Variants in PCDHA5 observed in about 807,000 individuals in gnomAD.
PCDHA5 encodes protocadherin alpha-5.
In PCDHA5, 43 loss-of-function variants were observed where a neutral mutation model predicts 61.6. That is an observed-to-expected ratio of 0.70 (90% CI 0.55 to 0.90). The LOEUF (loss-of-function observed/expected upper bound fraction) is 0.90, where lower values mean the gene tolerates loss of function less well. PCDHA5 is among the 40% of genes least tolerant of loss of function. The pLI is 0.00. For missense variants in PCDHA5, 1,298 were observed against 1,222.7 expected (o/e 1.06, Z -0.92); for synonymous variants, 627 against 543.9 (o/e 1.15, Z -2.13).
At chr5:140,949,117 T>C (rs1295254726) in intron 1 of PCDHA5, among the ~76,000 whole-genome samples, 2 of 151,762 alleles carry the variant, frequency 1.3e-5, no homozygotes, top group Admixed American at 6.6e-5. Context: ...CAAATATTTT[T>C]GGTTTTCCTA....
rs143650923 is a variant in PCDHA5, at chr5:140,822,633, C to G, written c.858C>G (p.Asp286Glu). 3.1e-6 allele frequency: 5 copies of G among 1,610,466 alleles called. No individual in the cohort carries two copies. Among genetic ancestry groups the G allele is most frequent in the Non-Finnish European group, 4.2e-6 (5 of 1,177,700 alleles). ...ATTTCTTTAGTAATCTTGTTCTTGA[C>G]GATGTAAAGTCCAAATTTATAATTA... ...IVYFFSNLVL[D>E]DVKSKFIINS... Residue 286 changes from aspartate to glutamate, a missense_variant, in exon 1 of 4, where the codon GAC (aspartate) becomes GAG (glutamate). By Grantham distance (45) the Asp-to-Glu change is conservative. Transcript: ENST00000529859.
chr5:140,929,522 T>G, intron 1 of PCDHA5: 1 of 727,900 alleles, frequency 1.4e-6, no homozygotes. Context: ...GACTTATAGT[T>G]TATTTTTGAG....
At chr5:140,869,418 C>G in intron 1 of PCDHA5, 1 of 1,614,174 alleles carries the variant, frequency 6.2e-7, no homozygotes, top group Non-Finnish European at 8.5e-7. Flanking sequence ...GCAGCATCCA[C>G]CTGGAGGTGA....
rs2150153132 is a variant in PCDHA5, at chr5:140,828,254, G to A, written c.2352+4127G>A. ...CCGGATCGCGCAGGACCTGGGGCTG[G>A]AGCTGGCGGAGCTGGTGCCGCGCCT... On this transcript the variant is annotated intron_variant, in intron 1 of 3. Transcript: ENST00000529859. 5 of 1,613,996 alleles carry A rather than the reference G, an allele frequency of 3.1e-6. No homozygotes were observed. In the Admixed American group the frequency reaches 8.3e-5, roughly 27 times the overall value.
chr5:140,870,308 A>G, intron 1 of PCDHA5: 1 of 1,614,140 alleles, frequency 6.2e-7, no homozygotes, highest in Non-Finnish European at 8.5e-7. Context: ...ACCTTCAAGA[A>G]TTACTACTCG....
At chr5:140,996,123 G>A (rs1554255007) in intron 3 of PCDHA5, among the ~76,000 whole-genome samples, 2 of 152,238 alleles carry the variant, frequency 1.3e-5, no homozygotes, top group African/African-American at 2.4e-5. Flanking sequence ...GCAGGGTGGT[G>A]TAGAGGGTTC....
chr5:140,950,473 G>T (rs2094486830), intron 1 of PCDHA5, among the ~76,000 whole-genome samples: 1 of 152,010 alleles, frequency 6.6e-6, no homozygotes, highest in African/African-American at 2.4e-5. Context: ...CATAGTTTCT[G>T]ATGAGAAGTG....
intron 1 of PCDHA5, among the ~76,000 whole-genome samples, chr5:140,844,102 T>C (rs1273394917): frequency 6.7e-6 from 1 of 149,766 alleles, no homozygotes; most frequent in Non-Finnish European, 1.5e-5. Context: ...TCTTACTCCA[T>C]ATGCTGTACT....
At chr5:140,923,397 G>A (rs1392831353) in intron 1 of PCDHA5, among the ~76,000 whole-genome samples, 2 of 152,128 alleles carry the variant, frequency 1.3e-5, no homozygotes, top group East Asian at 3.9e-4. Flanking sequence ...GCATGGTGGT[G>A]TGTGCCTATA....
At chr5:140,854,785 T>G (rs998570267) in intron 1 of PCDHA5, 1 of 149,740 alleles carries the variant, frequency 6.7e-6, no homozygotes, top group South Asian at 2.1e-4. Flanking sequence ...TTTCAAGAAC[T>G]TTGAGAGAGA....
rs2150283763 is a variant in PCDHA5, at chr5:140,838,077, AGTGTGTGTGTGT to A, written c.2352+13993_2352+14004del. On this transcript the variant is annotated intron_variant, in intron 1 of 3. Coordinates refer to ENST00000529859, the MANE Select transcript of PCDHA5 (RefSeq NM_018908.3). ...TTTCCACTTTAAGTTATATATATAT[AGTGTGTGTGTGT>A]GTGTGTGTGTGTGTGTGTGTGTGTG... Among the ~76,000 whole-genome samples, 482 of 80,690 alleles carry A rather than the reference AGTGTGTGTGTGT, an allele frequency of 6.0e-3. 2 individuals are homozygous for A. Among genetic ancestry groups the A allele is most frequent in the East Asian group, 0.019 (58 of 3,058 alleles). 52.9% of individuals were successfully genotyped at this position (80,690 alleles called of 152,430 possible).
rs2150318031 is a variant in PCDHA5, at chr5:140,841,549, G to A, written c.2352+17422G>A. The A allele has an allele frequency of 3.1e-6, 5 of 1,613,828 alleles. No homozygotes were observed. The South Asian group carries it at 3.3e-5, about 11-fold the overall frequency. On this transcript the variant is annotated intron_variant, in intron 1 of 3. Transcript: ENST00000529859. ...CCAAAAGACACCGGGACCTTCTGGA[G>A]GTAAGTCTGCAGAATGGCATTTTGT...
At chr5:140,940,245 T>A (rs1262681154) in intron 1 of PCDHA5, among the ~76,000 whole-genome samples, 1 of 152,210 alleles carries the variant, frequency 6.6e-6, no homozygotes, top group Non-Finnish European at 1.5e-5. Flanking sequence ...TAAAGTTACC[T>A]CCTCAATATC....
intron 1 of PCDHA5, among the ~76,000 whole-genome samples, chr5:140,918,402 T>C (rs906018367): frequency 1.3e-5 from 2 of 152,212 alleles, no homozygotes; most frequent in African/African-American, 4.8e-5. Flanking sequence ...GCCTGATTTC[T>C]CTGGCCAGGA....
At chr5:140,829,157 T>A (rs2150163134) in intron 1 of PCDHA5, 10 of 1,613,942 alleles carry the variant, frequency 6.2e-6, no homozygotes, top group Non-Finnish European at 7.6e-6. Flanking sequence ...GACTTCCTTA[T>A]CCTTGCCTGT....
At chr5:140,837,107 A>G (rs1774915292) in intron 1 of PCDHA5, 1 of 159,760 alleles carries the variant, frequency 6.3e-6, no homozygotes, top group Admixed American at 6.2e-5. Context: ...AATTTAATAT[A>G]TATGTTACCT....
intron 3 of PCDHA5, among the ~76,000 whole-genome samples, chr5:140,988,509 TA>T (rs2097301045): frequency 6.6e-6 from 1 of 152,170 alleles, no homozygotes; most frequent in Non-Finnish European, 1.5e-5. Flanking sequence ...CCATGAAGCT[TA>T]CTTAAGTCTC....
intron 1 of PCDHA5, among the ~76,000 whole-genome samples, chr5:140,837,632 C>CCTTCCTTT (rs562891235): frequency 2.0e-5 from 3 of 151,106 alleles, no homozygotes; most frequent in Non-Finnish European, 4.4e-5. Flanking sequence ...TTCCTTCCTT[C>CCTTCCTTT]CTTTCTTTCT....
In PCDHA5 at chr5:140,830,600, A is replaced by G. The variant is rs1227931663; in HGVS notation, c.2352+6473A>G. ...TTTTTAATTAATTTTACAAAATTAC[A>G]TATTTTCATTTTATTGTGTTTCTTA... is the stretch of plus-strand genomic sequence containing the variant. On this transcript the variant is annotated intron_variant, in intron 1 of 3. Coordinates refer to ENST00000529859, the MANE Select transcript of PCDHA5 (RefSeq NM_018908.3). 1.8e-5 allele frequency: 12 copies of G among 670,896 alleles called. 1 individual carries two copies. Among genetic ancestry groups the G allele is most frequent in the East Asian group, 1.4e-4 (4 of 29,586 alleles). The allele number at this position is 670,896 out of a possible 1,614,324, so 41.6% of individuals were successfully genotyped here. A position where few individuals can be genotyped will look rare whatever the true frequency, so the allele number is the denominator to read the frequency against.
Sources: gnomAD v4.1 joint callset for allele counts (sites outside exome capture counted in the v4.1 genomes callset) on GRCh38, gnomAD v4.1.1 for gene constraint, MANE v1.5 for transcripts, NCBI Gene and HGNC (gene_info 2026-07-23, HGNC 2026-07-21) for gene names.